ARHGAP6: variants seen among roughly 807,000 people sequenced by gnomAD.
ARHGAP6 encodes the protein Rho GTPase activating protein 6.
In ARHGAP6, 16 loss-of-function variants were observed where a neutral mutation model predicts 55.7. The observed-to-expected ratio is 0.29, with a 90% CI of 0.19 to 0.44. The LOEUF is 0.44. ARHGAP6 is among the 20% of genes least tolerant of loss of function. The pLI is 1.00. For missense variants in ARHGAP6, 698 were observed against 808.9 expected, an observed-to-expected ratio of 0.86 and a Z score of 1.66; for synonymous variants, 382 against 360.9, an observed-to-expected ratio of 1.06 and a Z score of -0.66.
At chrX:11,275,193 A>T (rs757011977) in intron 1 of ARHGAP6, among the ~76,000 whole-genome samples, 1 of 111,742 alleles carries the variant, frequency 8.9e-6, no homozygotes, top group Admixed American at 9.5e-5. Flanking sequence ...GTATCTCTTG[A>T]CTATTATATA....
intron 1 of ARHGAP6, among the ~76,000 whole-genome samples, chrX:11,315,396 C>T (rs1358789276): frequency 1.8e-5 from 2 of 112,238 alleles, no homozygotes; most frequent in Admixed American, 1.9e-4. Context: ...ATGAATGCCA[C>T]CACTGATCTG....
At chrX:11,176,758 T>C (rs933603495) in intron 8 of ARHGAP6, among the ~76,000 whole-genome samples, 2 of 111,377 alleles carry the variant, frequency 1.8e-5, no homozygotes, top group African/African-American at 6.5e-5. Context: ...TTAACAATTA[T>C]GAGAATTATA....
chrX:11,578,662 C>T (rs760520437), intron 1 of ARHGAP6, among the ~76,000 whole-genome samples: 134 of 111,808 alleles, frequency 1.2e-3, no homozygotes, highest in Middle Eastern at 9.2e-3. Flanking sequence ...CTATTTAACC[C>T]AGTGATCCCA....
chrX:11,484,081 A>G (rs1000559470), intron 1 of ARHGAP6, among the ~76,000 whole-genome samples: 1 of 111,924 alleles, frequency 8.9e-6, no homozygotes, highest in African/African-American at 3.3e-5. Flanking sequence ...TAAATTTAAA[A>G]ACCTAGAGAA....
chrX:11,291,263 A>C (rs1357665779), intron 1 of ARHGAP6, among the ~76,000 whole-genome samples: 2 of 111,868 alleles, frequency 1.8e-5, no homozygotes, highest in African/African-American at 6.5e-5. Flanking sequence ...CAGGATATGC[A>C]GTAGGGGAAA....
chrX:11,297,975 A>G, intron 1 of ARHGAP6: 1 of 673,197 alleles, frequency 1.5e-6, no homozygotes, highest in Non-Finnish European at 2.4e-6. Context: ...TTATCTAAAA[A>G]GTGAGAGTAA....
intron 1 of ARHGAP6, among the ~76,000 whole-genome samples, chrX:11,602,893 AC>A (rs1304119490): frequency 8.9e-6 from 1 of 112,405 alleles, no homozygotes; most frequent in Non-Finnish European, 1.9e-5. Context: ...GGTGAGCTCA[AC>A]TCACTTGAGT....
chrX:11,182,824 C>G (rs1229308801), intron 5 of ARHGAP6, among the ~76,000 whole-genome samples: 1 of 109,073 alleles, frequency 9.2e-6, no homozygotes, highest in Non-Finnish European at 1.9e-5. Context: ...TCTGGAGAGA[C>G]AGGGTTTTGC....
chrX:11,297,054 G>A (rs1190149096), intron 1 of ARHGAP6, among the ~76,000 whole-genome samples: 1 of 111,382 alleles, frequency 9.0e-6, no homozygotes, highest in Non-Finnish European at 1.9e-5. Context: ...TCCTAAATAT[G>A]GCCGTAAGCT....
intron 1 of ARHGAP6, among the ~76,000 whole-genome samples, chrX:11,562,332 G>C (rs1473569110): frequency 8.9e-6 from 1 of 111,913 alleles, no homozygotes; most frequent in East Asian, 2.8e-4. Flanking sequence ...TCAGTAGTCT[G>C]TGAAACTGCA....
intron 11 of ARHGAP6, chrX:11,142,598 G>T (rs1037868139): frequency 7.7e-6 from 1 of 130,478 alleles, no homozygotes; most frequent in Non-Finnish European, 1.6e-5. Context: ...AAAGGGCTTT[G>T]CAGGTGTGAT....
intron 8 of ARHGAP6, among the ~76,000 whole-genome samples, chrX:11,176,325 A>C (rs867138019): frequency 4.0e-5 from 2 of 50,365 alleles, no homozygotes; most frequent in Non-Finnish European, 6.6e-5. Context: ...ATATATATAT[A>C]TATATATATA....
intron 1 of ARHGAP6, among the ~76,000 whole-genome samples, chrX:11,505,493 A>G (rs779667951): frequency 1.9e-4 from 21 of 111,367 alleles, no homozygotes; most frequent in Non-Finnish European, 3.4e-4. Flanking sequence ...CAGTGTGGCA[A>G]TTCCTCCAAG....
chrX:11,262,782 A>G (rs143686256), intron 1 of ARHGAP6, among the ~76,000 whole-genome samples: 329 of 111,555 alleles, frequency 2.9e-3, no homozygotes, highest in African/African-American at 9.9e-3. Context: ...TCTCACTGGC[A>G]TGGTGGTGAA....
At chrX:11,257,515 G>A (rs942598441) in intron 1 of ARHGAP6, among the ~76,000 whole-genome samples, 1 of 112,060 alleles carries the variant, frequency 8.9e-6, no homozygotes, top group African/African-American at 3.2e-5. Flanking sequence ...TTTGGCTGGC[G>A]GGCTAGAGTT....
chrX:11,528,365 T>C (rs1156790535), intron 1 of ARHGAP6, among the ~76,000 whole-genome samples: 1 of 112,331 alleles, frequency 8.9e-6, no homozygotes. Flanking sequence ...GATGAAGCCC[T>C]GCTAGTGAAG....
intron 1 of ARHGAP6, among the ~76,000 whole-genome samples, chrX:11,543,767 C>G (rs57183185): frequency 8.9e-6 from 1 of 111,911 alleles, no homozygotes; most frequent in African/African-American, 3.3e-5. Context: ...AAACAGCATG[C>G]GATGTGCATA....
At chrX:11,281,607 A>G (rs2047856923) in intron 1 of ARHGAP6, among the ~76,000 whole-genome samples, 1 of 111,327 alleles carries the variant, frequency 9.0e-6, no homozygotes, top group African/African-American at 3.3e-5. Flanking sequence ...ATTTGGAAAG[A>G]TATCCACTAT....
intron 1 of ARHGAP6, among the ~76,000 whole-genome samples, chrX:11,417,466 G>A (rs758357518): frequency 1.5e-4 from 17 of 109,760 alleles, no homozygotes; most frequent in African/African-American, 4.7e-4. Flanking sequence ...AGAACTGCAC[G>A]CATATATACA....
Sources: allele counts gnomAD v4.1 joint callset (sites outside exome capture counted in the v4.1 genomes callset), GRCh38; gene constraint gnomAD v4.1.1; transcripts MANE v1.5; gene names NCBI Gene and HGNC (gene_info 2026-07-23, HGNC 2026-07-21).